The following SDK1 variants were observed in gnomAD, a reference collection of about 807,000 sequenced individuals.
SDK1 encodes the protein sidekick cell adhesion molecule 1, also known as protein sidekick-1.
SDK1 carries 157 observed loss-of-function variants against 245.5 expected under a neutral mutation model. The observed-to-expected ratio is 0.64, with a 90% CI of 0.56 to 0.73. SDK1 has a LOEUF of 0.73. Among genes scored for constraint, SDK1 ranks in the 30% least tolerant of loss-of-function variants. The probability of loss-of-function intolerance (pLI) is 0.00; values close to 1 mark genes in which losing one functional copy is unlikely to be tolerated. For missense variants in SDK1, 3,583 were observed against 3,002.3 expected (o/e 1.19, Z -4.52); for synonymous variants, 1,647 against 1,278.5 (o/e 1.29, Z -6.15).
chr7:3,785,416 A>G (rs1172257142), intron 4 of SDK1, among the ~76,000 whole-genome samples: 4 of 152,210 alleles, frequency 2.6e-5, no homozygotes, highest in South Asian at 2.1e-4. Flanking sequence ...ATTATTCCAC[A>G]TTTTATTAAT....
intron 22 of SDK1, among the ~76,000 whole-genome samples, chr7:4,080,233 A>T (rs964335506): frequency 2.0e-5 from 3 of 151,454 alleles, no homozygotes; most frequent in African/African-American, 7.3e-5. Flanking sequence ...GAGAGAGTGG[A>T]CTCCGCCGAG....
intron 1 of SDK1, among the ~76,000 whole-genome samples, chr7:3,391,821 G>T (rs934346603): frequency 6.6e-6 from 1 of 151,380 alleles, no homozygotes; most frequent in Non-Finnish European, 1.5e-5. Flanking sequence ...TAGAGGTGAG[G>T]TTTTGCTATG....
intron 4 of SDK1, among the ~76,000 whole-genome samples, chr7:3,674,788 T>C (rs1291650764): frequency 1.3e-5 from 2 of 152,166 alleles, no homozygotes. Flanking sequence ...GACGTCTTTC[T>C]ATAAGGAGTT....
At chr7:3,862,937 G>A (rs978132427) in intron 5 of SDK1, among the ~76,000 whole-genome samples, 2 of 151,376 alleles carry the variant, frequency 1.3e-5, no homozygotes, top group African/African-American at 2.5e-5. Context: ...TGCTCCTATG[G>A]GAATCCAGTG....
At chr7:3,792,906 A>C (rs539065208) in intron 4 of SDK1, among the ~76,000 whole-genome samples, 1 of 152,194 alleles carries the variant, frequency 6.6e-6, no homozygotes, top group Non-Finnish European at 1.5e-5. Flanking sequence ...TTTAACATAG[A>C]AAGCTTAATG....
At chr7:3,989,687 C>T (rs1042811208) in intron 14 of SDK1, among the ~76,000 whole-genome samples, 2 of 152,164 alleles carry the variant, frequency 1.3e-5, no homozygotes, top group Non-Finnish European at 2.9e-5. Context: ...CTTTTCTGGG[C>T]AGATTCAGCC....
At chr7:4,035,753 A>C (rs1788162043) in intron 17 of SDK1, among the ~76,000 whole-genome samples, 1 of 152,200 alleles carries the variant, frequency 6.6e-6, no homozygotes, top group African/African-American at 2.4e-5. Context: ...GAAGCAGATA[A>C]TGTGTAAGAT....
chr7:3,753,926 A>G (rs1003293853), intron 4 of SDK1, among the ~76,000 whole-genome samples: 4 of 152,232 alleles, frequency 2.6e-5, no homozygotes, highest in African/African-American at 9.6e-5. Context: ...AAAATTTTGA[A>G]GGAAAGTAGA....
chr7:3,773,349 T>C (rs1318301915), intron 4 of SDK1, among the ~76,000 whole-genome samples: 1 of 152,036 alleles, frequency 6.6e-6, no homozygotes, highest in Non-Finnish European at 1.5e-5. Flanking sequence ...AATTTATCAC[T>C]TCAGTTTTTT....
chr7:3,447,436 T>G (rs1315172228), intron 1 of SDK1, among the ~76,000 whole-genome samples: 1 of 151,694 alleles, frequency 6.6e-6, no homozygotes, highest in African/African-American at 2.4e-5. Flanking sequence ...ACTCACTTAC[T>G]CTTCACATGT....
chr7:4,017,479 A>G, intron 17 of SDK1, 127 bp downstream of exon 17: 1 of 708,742 alleles, frequency 1.4e-6, no homozygotes, highest in South Asian at 2.3e-5. Context: ...TTTACAAGAA[A>G]ATTCATCACG....
At chr7:3,405,439 T>C (rs1181597601) in intron 1 of SDK1, among the ~76,000 whole-genome samples, 1 of 152,218 alleles carries the variant, frequency 6.6e-6, no homozygotes, top group African/African-American at 2.4e-5. Context: ...TTTTTGTATT[T>C]ATTCTGAATA....
In SDK1 at chr7:3,561,396, G is replaced by A. The variant is rs1176254862; in HGVS notation, c.299-57684G>A. ...AAAAGAAAGACACTGTCTCCTCTCT[G>A]GTCACTTGTTTGTTCCTGGGTTTCA... On this transcript the variant is annotated intron_variant, in intron 1 of 44. Coordinates refer to ENST00000404826, the MANE Select transcript of SDK1 (RefSeq NM_152744.4). Among the ~76,000 whole-genome samples, 4 of 152,238 alleles carry A rather than the reference G, an allele frequency of 2.6e-5. No individual in the cohort carries two copies. In the East Asian group the frequency reaches 5.8e-4, roughly 22 times the overall value.
intron 44 of SDK1, among the ~76,000 whole-genome samples, chr7:4,256,314 A>G (rs1583187149): frequency 2.0e-5 from 3 of 152,232 alleles, no homozygotes; most frequent in Non-Finnish European, 2.9e-5. Flanking sequence ...TCACATTGCC[A>G]TTCCAGAAAT....
In SDK1 at chr7:3,514,593, T is replaced by G. The variant is rs545696972; in HGVS notation, c.299-104487T>G. On this transcript the variant is annotated intron_variant, in intron 1 of 44. Coordinates refer to ENST00000404826, the MANE Select transcript of SDK1 (RefSeq NM_152744.4). ...TCACTGTCCTAGGTCAGTGCTCTAG[T>G]CTGACTATGATGCATTTCAGCATGC... 2.6e-5 allele frequency among the ~76,000 whole-genome samples: 4 copies of G among 152,236 alleles called. No homozygotes were observed. In the South Asian group the frequency reaches 8.3e-4, roughly 32 times the overall value.
Position 3,377,815 on chromosome 7 carries a change from G to T in SDK1, c.298+75931G>T, listed in dbSNP as rs562731889. Among the ~76,000 whole-genome samples, 267 of 152,206 alleles carry T rather than the reference G, an allele frequency of 1.8e-3. 1 individual carries two copies. Among genetic ancestry groups the T allele is most frequent in the Admixed American group, 5.6e-3 (85 of 15,298 alleles). On this transcript the variant is annotated intron_variant, in intron 1 of 44. Transcript: ENST00000404826. ...ATTTTTGGAGACAGAGTCTCACTCT[G>T]TTGCCCAGGCTGGAGTGCAGTGGCA...
chr7:3,433,025 G>A (rs893170681), intron 1 of SDK1, among the ~76,000 whole-genome samples: 1 of 152,162 alleles, frequency 6.6e-6, no homozygotes, highest in Non-Finnish European at 1.5e-5. Context: ...AAGTTACGCA[G>A]TTTTTCATTC....
intron 1 of SDK1, among the ~76,000 whole-genome samples, chr7:3,497,402 C>T (rs1461177113): frequency 6.6e-6 from 1 of 152,266 alleles, no homozygotes; most frequent in Non-Finnish European, 1.5e-5. Flanking sequence ...TGATGTTTAT[C>T]AGTCTTTTTG....
intron 4 of SDK1, among the ~76,000 whole-genome samples, chr7:3,761,734 G>C (rs1780110606): frequency 6.6e-6 from 1 of 151,932 alleles, no homozygotes; most frequent in Non-Finnish European, 1.5e-5. Context: ...GTACTGCAGT[G>C]ACTAAGTAGC....
Sources: allele counts gnomAD v4.1 joint callset (sites outside exome capture counted in the v4.1 genomes callset), GRCh38; gene constraint gnomAD v4.1.1; transcripts MANE v1.5; gene names NCBI Gene and HGNC (gene_info 2026-07-23, HGNC 2026-07-21).